Variants in FAM234A observed in about 807,000 individuals in gnomAD.
FAM234A encodes family with sequence similarity 234 member A, also known as protein FAM234A.
A neutral mutation model predicts 49.1 loss-of-function variants in FAM234A; 42 were observed. The observed-to-expected ratio is 0.86, with a 90% CI of 0.67 to 1.11. FAM234A has a LOEUF of 1.11. FAM234A is among the 50% of genes least tolerant of loss of function. The pLI, the probability that FAM234A is intolerant of heterozygous loss-of-function variation, is 0.00. For synonymous variants in FAM234A, 369 were observed against 316.2 expected (o/e 1.17, Z -1.77); for missense variants, 815 against 745.2 (o/e 1.09, Z -1.09).
chr16:257,309 G>A (rs1596818773), intron 3 of FAM234A, among the ~76,000 whole-genome samples: 1 of 139,702 alleles, frequency 7.2e-6, no homozygotes, highest in South Asian at 2.3e-4. Flanking sequence ...GCAGTGGCGC[G>A]ATCTCGGCTC....
rs538433627 is a variant in FAM234A, at chr16:247,328, C to T, written c.-139-2221C>T. Among the ~76,000 whole-genome samples, 33 of 151,448 alleles carry T rather than the reference C, an allele frequency of 2.2e-4. 1 individual carries two copies. The highest frequency in any genetic ancestry group is 8.0e-4 in the African/African-American group (33 of 41,112). ...TTTTCTTTCTTTTTAGAAACGGTCT[C>T]ACCGTGTTGCCCAGGCTGGTCTTGA... On this transcript the variant is annotated intron_variant, in intron 1 of 12. Coordinates refer to ENST00000399932, the MANE Select transcript of FAM234A (RefSeq NM_032039.4).
Position 244,872 on chromosome 16 carries a change from A to G in FAM234A, c.-139-4677A>G, listed in dbSNP as rs185968155. On this transcript the variant is annotated intron_variant, in intron 1 of 12. Coordinates refer to ENST00000399932, the MANE Select transcript of FAM234A (RefSeq NM_032039.4). Reference sequence around the variant, plus strand: ...CCGGCTAATTTTTTTTTGTATTTTTAGTAGAGATGGGGTTTCTCCATGTTG... The same window carrying G: ...CCGGCTAATTTTTTTTTGTATTTTTGGTAGAGATGGGGTTTCTCCATGTTG... 5.1e-3 allele frequency among the ~76,000 whole-genome samples: 758 copies of G among 149,334 alleles called. 39 individuals are homozygous for G. The East Asian group carries it at 0.11, about 22-fold the overall frequency.
intron 2 of FAM234A, among the ~76,000 whole-genome samples, chr16:251,523 C>T (rs900901650): frequency 2.0e-5 from 3 of 151,660 alleles, no homozygotes; most frequent in Admixed American, 1.3e-4. Flanking sequence ...CACGGGCGAG[C>T]GCCGCCATAC....
At chr16:256,487 A>G (rs561254694) in intron 3 of FAM234A, among the ~76,000 whole-genome samples, 2 of 152,174 alleles carry the variant, frequency 1.3e-5, no homozygotes, top group African/African-American at 4.8e-5. Context: ...GTGAATGTCT[A>G]TTCTTGCATC....
In FAM234A at chr16:262,148, G is replaced by T; in HGVS notation, c.764G>T (p.Ser255Ile). 6.2e-7 allele frequency: 1 copy of T among 1,614,070 alleles called. No individual in the cohort carries two copies. The highest frequency in any genetic ancestry group is 8.5e-7 in the Non-Finnish European group (1 of 1,180,028). ...GGGCACCAGATTGGCCTCAGAGGCA[G>T]CCTTGGTGTGGACGGGGAAAGTGGC... Reference protein sequence around the residue: ...STGHQIGLRGSLGVDGESGFL... With the variant: ...STGHQIGLRGILGVDGESGFL... The change falls in exon 7 of 13, where the codon AGC becomes ATC. Residue 255 changes from serine (S) to isoleucine (I), a missense_variant. Coordinates refer to ENST00000399932, the MANE Select transcript of FAM234A (RefSeq NM_032039.4).
downstream of FAM234A, chr16:269,653 G>A (rs901030004): frequency 3.1e-6 from 4 of 1,273,156 alleles, no homozygotes; most frequent in Middle Eastern, 3.7e-4. Context: ...CCACCCGAAG[G>A]AGCAGCCAAA....
At chr16:244,188 T>A (rs1596758405) in intron 1 of FAM234A, among the ~76,000 whole-genome samples, 1 of 152,254 alleles carries the variant, frequency 6.6e-6, no homozygotes, top group East Asian at 1.9e-4. Flanking sequence ...TAGGATGGTC[T>A]CGATCTCCTG....
In FAM234A at chr16:246,425, T is replaced by C. The variant is rs529580035; in HGVS notation, c.-139-3124T>C. 7.1e-3 allele frequency among the ~76,000 whole-genome samples: 915 copies of C among 129,756 alleles called. 11 individuals are homozygous for C. Among genetic ancestry groups the C allele is most frequent in the Non-Finnish European group, 0.011 (663 of 60,282 alleles). 85.1% of individuals were successfully genotyped at this position (129,756 alleles called of 152,430 possible). A position where few individuals can be genotyped will look rare whatever the true frequency, so the allele number is the denominator to read the frequency against. ...TCCTGAGTAGGTGGTGGCTTTTTTT[T>C]TTTTTTTTTTTTTTGAGATAGTCTT... On this transcript the variant is annotated intron_variant, in intron 1 of 12. Coordinates refer to ENST00000399932, the MANE Select transcript of FAM234A (RefSeq NM_032039.4).
chr16:242,598 C>T (rs1596750992), intron 1 of FAM234A, among the ~76,000 whole-genome samples: 1 of 148,344 alleles, frequency 6.7e-6, no homozygotes, highest in South Asian at 2.1e-4. Context: ...TCAAGTTATT[C>T]TTGGTGTCAG....
At chr16:261,600 C>G in intron 6 of FAM234A, 86 bp downstream of exon 6, 1 of 1,472,264 alleles carries the variant, frequency 6.8e-7, no homozygotes, top group Non-Finnish European at 9.1e-7. Flanking sequence ...TGCCACTTCC[C>G]AGACAGGATT....
downstream of FAM234A, chr16:269,556 G>T (rs1433037827): frequency 6.2e-7 from 1 of 1,613,420 alleles, no homozygotes; most frequent in Non-Finnish European, 8.5e-7. Context: ...CCTTGTACAT[G>T]TCAGACTTCA....
intron 2 of FAM234A, among the ~76,000 whole-genome samples, chr16:250,038 C>G (rs907598185): frequency 1.3e-5 from 2 of 152,306 alleles, no homozygotes; most frequent in South Asian, 4.1e-4. Context: ...CTCCACCTCC[C>G]GGGTTCACGC....
chr16:241,266 A>C (rs973920980), intron 1 of FAM234A, among the ~76,000 whole-genome samples: 2 of 109,450 alleles, frequency 1.8e-5, no homozygotes, highest in Admixed American at 1.8e-4. Flanking sequence ...AGGTCTACAC[A>C]AAAAGAAAGA....
chr16:237,860 C>T (rs576211234), intron 1 of FAM234A, among the ~76,000 whole-genome samples: 84 of 151,816 alleles, frequency 5.5e-4, no homozygotes, highest in Middle Eastern at 6.8e-3. Flanking sequence ...CGTACTACCA[C>T]GCCCAGCTAT....
At chr16:266,125 G>T (rs1567230415), downstream of FAM234A, 1 of 975,194 alleles carries the variant, frequency 1.0e-6, no homozygotes. Context: ...AGCCTAGCGT[G>T]TGTGCGTCTG....
chr16:259,667 C>A (rs756468146), intron 4 of FAM234A, 68 bp downstream of exon 4: 2 of 997,068 alleles, frequency 2.0e-6, no homozygotes, highest in East Asian at 2.4e-5. Flanking sequence ...TTGGGTCACC[C>A]TCTCGCTTTC....
At chr16:237,859 A>G in intron 1 of FAM234A, among the ~76,000 whole-genome samples, 1 of 151,356 alleles carries the variant, frequency 6.6e-6, no homozygotes, top group East Asian at 1.9e-4. Flanking sequence ...ACGTACTACC[A>G]CGCCCAGCTA....
At position 254,538 on chromosome 16, in the gene FAM234A, C is replaced by G. The variant is rs1300899228; in HGVS notation, c.125C>G (p.Ser42Cys). The G allele has an allele frequency of 6.2e-7, 1 of 1,614,114 alleles. No homozygotes were observed. The highest frequency in any genetic ancestry group is 1.7e-5 in the Admixed American group (1 of 60,010). The stretch of plus-strand genomic sequence containing the variant: ...AACGTGAAAAGCGCGCCTCCACAGT[C>G]CCGGCTCTCCCGGTGCCGAGCGGCG... ...EDNVKSAPPQ[S>C]RLSRCRAAAF... is the part of the protein sequence containing the mutation. The change falls in exon 3 of 13, where the codon TCC becomes TGC. Residue 42 changes from serine to cysteine, a missense_variant. Coordinates refer to ENST00000399932, the MANE Select transcript of FAM234A (RefSeq NM_032039.4).
At chr16:261,314 C>G in intron 5 of FAM234A, 70 bp from the exon 6 acceptor site, 1 of 1,555,662 alleles carries the variant, frequency 6.4e-7, no homozygotes, top group Non-Finnish European at 8.8e-7. Flanking sequence ...CTGTCACAGG[C>G]CTTGCAGTTG....
Sources: gnomAD v4.1 joint callset for allele counts (sites outside exome capture counted in the v4.1 genomes callset) on GRCh38, gnomAD v4.1.1 for gene constraint, MANE v1.5 for transcripts, NCBI Gene and HGNC (gene_info 2026-07-23, HGNC 2026-07-21) for gene names.